DIP2C: variants seen among roughly 807,000 people sequenced by gnomAD.
DIP2C encodes the protein DIP2 acetate--CoA ligase C (putative).
DIP2C carries 33 observed loss-of-function variants against 192.4 expected under a neutral mutation model. The ratio of observed to expected loss-of-function variants is 0.17; its 90% CI spans 0.13 to 0.23. The LOEUF is 0.23. Ranked by LOEUF, DIP2C falls within the 10% of genes least tolerant of loss-of-function variation. The pLI, the probability that DIP2C is intolerant of heterozygous loss-of-function variation, is 1.00. For missense variants in DIP2C, 1,537 were observed against 2,110.1 expected (o/e 0.73, Z 5.32); for synonymous variants, 979 against 864.1 (o/e 1.13, Z -2.33).
intron 1 of DIP2C, among the ~76,000 whole-genome samples, chr10:579,323 G>A (rs151028804): frequency 1.6e-3 from 242 of 151,124 alleles, no homozygotes; most frequent in African/African-American, 4.7e-3. Context: ...ACTATAATAC[G>A]TGTGTACATG....
intron 10 of DIP2C, among the ~76,000 whole-genome samples, chr10:393,680 G>GA (rs1963671956): frequency 6.6e-6 from 1 of 150,380 alleles, no homozygotes; most frequent in Non-Finnish European, 1.5e-5. Flanking sequence ...TCAGGAGGCT[G>GA]AGGCAGGAGA....
chr10:461,018 C>T (rs987743502), intron 3 of DIP2C, among the ~76,000 whole-genome samples: 1 of 152,120 alleles, frequency 6.6e-6, no homozygotes, highest in Non-Finnish European at 1.5e-5. Flanking sequence ...TCTGTCACCA[C>T]CAGGTCTGCC....
At chr10:284,572 G>A (rs759321317) in intron 34 of DIP2C, among the ~76,000 whole-genome samples, 9 of 152,192 alleles carry the variant, frequency 5.9e-5, no homozygotes, top group Admixed American at 4.6e-4. Context: ...GAGGGTAAAC[G>A]GTGGTTAGCC....
At chr10:489,129 G>C (rs1279122093) in intron 1 of DIP2C, among the ~76,000 whole-genome samples, 2 of 152,164 alleles carry the variant, frequency 1.3e-5, no homozygotes, top group Non-Finnish European at 2.9e-5. Context: ...CTGAGACCAG[G>C]CTCACTCAGG....
chr10:368,435 G>C (rs895547298), intron 18 of DIP2C, among the ~76,000 whole-genome samples: 1 of 152,246 alleles, frequency 6.6e-6, no homozygotes, highest in African/African-American at 2.4e-5. Flanking sequence ...GAGTGGGCTG[G>C]ACACAGGGGC....
chr10:291,772 G>A (rs1955508592), intron 32 of DIP2C, among the ~76,000 whole-genome samples: 1 of 152,226 alleles, frequency 6.6e-6, no homozygotes, highest in Non-Finnish European at 1.5e-5. Context: ...TGCTTGTGGT[G>A]CGTGAGTTAT....
At chr10:356,626 G>C (rs1002334492) in intron 23 of DIP2C, 120 bp from the exon 24 acceptor site, 1 of 736,740 alleles carries the variant, frequency 1.4e-6, no homozygotes, top group Non-Finnish European at 2.2e-6. Flanking sequence ...TCTTAAAACC[G>C]CATGCTTCTC....
At chr10:418,787 A>G (rs1965975702) in intron 6 of DIP2C, among the ~76,000 whole-genome samples, 4 of 152,276 alleles carry the variant, frequency 2.6e-5, no homozygotes, top group Admixed American at 2.6e-4. Flanking sequence ...TTCAGCAGCA[A>G]AAACGGCAGC....
rs774405297 is a variant in DIP2C at position 504,155 on chromosome 10, TAA to T, written c.86-17627_86-17626del. ...TCCTAACCAGAGCATGAAAGAGCAATAAAGAGTATTTATCCCCATCTCCTTGG... is the reference window on the plus strand; with the variant it reads ...TCCTAACCAGAGCATGAAAGAGCAATAGAGTATTTATCCCCATCTCCTTGG... On this transcript the variant is annotated intron_variant, in intron 1 of 36. Coordinates refer to ENST00000280886, the MANE Select transcript of DIP2C (RefSeq NM_014974.3). Among the ~76,000 whole-genome samples, 10 of 152,192 alleles carry T rather than the reference TAA, an allele frequency of 6.6e-5. No homozygotes were observed. The East Asian group carries it at 9.7e-4, about 15-fold the overall frequency.
In DIP2C at chr10:594,623, G is replaced by A. The variant is rs546485390; in HGVS notation, c.85+94871C>T. On this transcript the variant is annotated intron_variant, in intron 1 of 36. Transcript: ENST00000280886. ...GAGTATAAACCATTTCAACGTAAGG[G>A]AACTGGAGGGCACGTGGTGCTTTCT... 2.0e-5 allele frequency among the ~76,000 whole-genome samples: 3 copies of A among 152,028 alleles called. No homozygotes were observed. In the South Asian group the frequency reaches 6.2e-4, roughly 32 times the overall value.
intron 1 of DIP2C, among the ~76,000 whole-genome samples, chr10:677,946 C>T (rs1251379643): frequency 1.3e-5 from 2 of 152,236 alleles, no homozygotes; most frequent in Non-Finnish European, 2.9e-5. Flanking sequence ...GGATGCCCCA[C>T]GTCACCAGTC....
Position 472,535 on chromosome 10 carries a change from A to C in DIP2C, c.172T>G (p.Leu58Val). ...ACAGGAGCCCGGCGTTCTTGCGGCA[A>C]AGCTTGGTCCACCCCTGGATTTCAA... ...LPQPPRVDQA[L>V]PQERRAPVTP... The change falls in exon 3 of 37, where the codon TTG becomes GTG. Residue 58 changes from leucine to valine, a missense_variant. Transcript: ENST00000280886. 6.2e-7 allele frequency: 1 copy of C among 1,614,140 alleles called. No homozygotes were observed. The highest frequency in any genetic ancestry group is 8.5e-7 in the Non-Finnish European group (1 of 1,180,032).
intron 9 of DIP2C, among the ~76,000 whole-genome samples, chr10:400,585 T>C (rs1034034826): frequency 2.0e-5 from 3 of 151,970 alleles, no homozygotes; most frequent in African/African-American, 7.3e-5. Context: ...TTACTCTTCC[T>C]TATGGACAAG....
At chr10:372,519 T>C (rs1438007436) in intron 17 of DIP2C, among the ~76,000 whole-genome samples, 1 of 152,268 alleles carries the variant, frequency 6.6e-6, no homozygotes, top group East Asian at 1.9e-4. Flanking sequence ...GGAGGCTGAA[T>C]ATGTTCATAT....
At chr10:390,119 A>AGT in intron 12 of DIP2C, 26 bp from the exon 13 acceptor site, 1 of 1,607,648 alleles carries the variant, frequency 6.2e-7, no homozygotes, top group Non-Finnish European at 8.5e-7. Context: ...GCGTGAGGGA[A>AGT]GTGGGGCTGA....
intron 1 of DIP2C, among the ~76,000 whole-genome samples, chr10:530,803 G>A (rs868547493): frequency 6.6e-6 from 1 of 152,094 alleles, no homozygotes; most frequent in African/African-American, 2.4e-5. Flanking sequence ...AAATGCAAGC[G>A]GCATCACAGG....
intron 1 of DIP2C, among the ~76,000 whole-genome samples, chr10:498,986 G>C (rs1429722436): frequency 6.6e-6 from 1 of 152,200 alleles, no homozygotes; most frequent in Admixed American, 6.5e-5. Context: ...TGCTGACTCG[G>C]AGAACAACTT....
At chr10:621,357 G>C (rs990072675) in intron 1 of DIP2C, among the ~76,000 whole-genome samples, 1 of 149,926 alleles carries the variant, frequency 6.7e-6, no homozygotes, top group Non-Finnish European at 1.5e-5. Context: ...ACATGCTCAC[G>C]AGTCTGTGCC....
intron 31 of DIP2C, 42 bp downstream of exon 31, chr10:326,964 G>A: frequency 6.3e-7 from 1 of 1,582,220 alleles, no homozygotes; most frequent in East Asian, 2.2e-5. Context: ...CACCCCGGGA[G>A]CCACACTTCC....
Sources: gnomAD v4.1 joint callset for allele counts (sites outside exome capture counted in the v4.1 genomes callset) on GRCh38, gnomAD v4.1.1 for gene constraint, MANE v1.5 for transcripts, NCBI Gene and HGNC (gene_info 2026-07-23, HGNC 2026-07-21) for gene names.